Variants in SFRP5 observed in about 807,000 individuals in gnomAD.
The protein encoded by SFRP5 is secreted frizzled-related protein 5.
A neutral mutation model predicts 27.0 loss-of-function variants in SFRP5; 22 were observed. The observed-to-expected ratio is 0.82, with a 90% CI of 0.58 to 1.17. The LOEUF (loss-of-function observed/expected upper bound fraction) is 1.17. SFRP5 is among the 50% of genes most tolerant of loss of function. SFRP5 has a pLI of 0.00. For missense variants in SFRP5, 406 were observed against 436.6 expected, an observed-to-expected ratio of 0.93 and a Z score of 0.63; for synonymous variants, 171 against 195.0, an observed-to-expected ratio of 0.88 and a Z score of 1.03.
rs770602019 is a variant in SFRP5, at chr10:97,769,624, TG to T, written c.607+43del. ...CCCGTGTGCGTCAAGAAAGAGGGGC[TG>T]GGGGTGATGTCGGGGCAGTGGCAGC... is the stretch of plus-strand genomic sequence containing the variant. On this transcript the variant is annotated intron_variant, in intron 2 of 2. Transcript: ENST00000266066. 59 of 1,344,586 alleles carry T rather than the reference TG, an allele frequency of 4.4e-5. No homozygotes were observed. In the Middle Eastern group the frequency reaches 1.1e-3, roughly 26 times the overall value. 83.3% of individuals were successfully genotyped at this position (1,344,586 alleles called of 1,614,324 possible). A position where few individuals can be genotyped will look rare whatever the true frequency, so the allele number is the denominator to read the frequency against.
chr10:97,771,668 TG>T lies in SFRP5; in HGVS notation c.165del (p.Asp55GlufsTer31). On this transcript the variant is annotated frameshift_variant, in exon 1 of 3. Transcript: ENST00000266066. LOFTEE classifies it high-confidence loss of function. The surrounding 1 kb of genome is among the most constrained non-coding windows in gnomAD (Gnocchi z 5.2). Reference protein sequence around the residue: ...RSYSKPPQCLDIPADLPLCHT... With the variant: ...RSYSKPPQCLXIPADLPLCHT... ...TGGCAGAGCGGCAGGTCGGCAGGGA[TG>T]TCAAGGCACTGCGGCGGCTTGGAGT... 1 of 1,602,748 alleles carries T rather than the reference TG, an allele frequency of 6.2e-7. No individual in the cohort carries two copies. The highest frequency in any genetic ancestry group is 1.7e-4 in the Middle Eastern group (1 of 6,044).
In SFRP5 at chr10:97,767,721, A is replaced by G. The variant is rs2136471565; in HGVS notation, c.747T>C (p.Asn249=). The change falls in exon 3 of 3, where the codon AAT becomes AAC. Residue 249 remains asparagine, a synonymous_variant. Transcript: ENST00000266066. ...DTKRLVLHMK[N]GAGCPCPQLD... The stretch of plus-strand genomic sequence containing the variant: ...GCTGTGGGCAGGGGCAGCCCGCGCC[A>G]TTCTTCATGTGCAGCACCAGCCGCT... The G allele has an allele frequency of 6.2e-7, 1 of 1,613,668 alleles. No homozygotes were observed.
Position 97,767,227 on chromosome 10 carries a change from C to T in SFRP5, c.*287G>A, listed in dbSNP as rs1000828569. On this transcript the variant is annotated 3_prime_UTR_variant, in exon 3 of 3. Transcript: ENST00000266066. Reference sequence around the variant, plus strand: ...AACCTCCGCCTCAGGGTGCCCTGAGCCCCTCCACCTTTCCCTTACCCTCTC... The same window carrying T: ...AACCTCCGCCTCAGGGTGCCCTGAGTCCCTCCACCTTTCCCTTACCCTCTC... The T allele has an allele frequency of 6.2e-6, 2 of 321,618 alleles. No individual in the cohort carries two copies. Among genetic ancestry groups the T allele is most frequent in the African/African-American group, 4.3e-5 (2 of 46,932 alleles). The allele number at this position is 321,618 out of a possible 1,614,324, so 19.9% of individuals were successfully genotyped here. A position where few individuals can be genotyped will look rare whatever the true frequency, so the allele number is the denominator to read the frequency against.
In SFRP5 at chr10:97,768,229, C is replaced by T. The variant is rs771436967; in HGVS notation, c.608-369G>A. ...GATAAGGAGTGGATGGGACTGGGGC[C>T]GACTGCTTGGAAGGGGATCCTTGTG... On this transcript the variant is annotated intron_variant, in intron 2 of 2. Transcript: ENST00000266066. Among the ~76,000 whole-genome samples the T allele has an allele frequency of 5.3e-5, 8 of 151,856 alleles. No homozygotes were observed. In the East Asian group the frequency reaches 5.8e-4, roughly 11 times the overall value.
rs1210957330 is a variant in SFRP5 at position 97,771,459 on chromosome 10, G to C, written c.375C>G (p.Arg125=). 9.3e-6 allele frequency: 15 copies of C among 1,612,622 alleles called. No individual in the cohort carries two copies. Among genetic ancestry groups the C allele is most frequent in the Non-Finnish European group, 1.3e-5 (15 of 1,179,232 alleles). Residue 125 remains arginine, a synonymous_variant, in exon 1 of 3, where the codon CGC becomes CGG. Coordinates refer to ENST00000266066, the MANE Select transcript of SFRP5 (RefSeq NM_003015.3). This position sits in a 1 kb window ranked among gnomAD's most constrained non-coding sequence, Gnocchi z 5.2. Reference sequence around the variant, plus strand: ...CGGCGCGCACGGCCTCGCACAGCGAGCGGCACGGGTAGATGGGCCGGTCGA... The same window carrying C: ...CGGCGCGCACGGCCTCGCACAGCGACCGGCACGGGTAGATGGGCCGGTCGA... ...VCLDRPIYPC[R]SLCEAVRAGC...
chr10:97,767,766 G>T lies in SFRP5; in HGVS notation c.702C>A (p.Pro234=). The T allele has an allele frequency of 6.3e-7, 1 of 1,596,330 alleles. No homozygotes were observed. The highest frequency in any genetic ancestry group is 1.1e-5 in the South Asian group (1 of 88,722). The change falls in exon 3 of 3, where the codon CCC becomes CCA. Residue 234 remains proline (P), a synonymous_variant. Coordinates refer to ENST00000266066, the MANE Select transcript of SFRP5 (RefSeq NM_003015.3). ...QKKKKLLKPG[P]LKRKDTKRLV... ...GCCGCTTGGTGTCCTTGCGCTTCAG[G>T]GGGCCCGGCTTGAGCAGCTTCTTCT...
At position 97,767,462 on chromosome 10, in the gene SFRP5, CG is replaced by C. The variant is rs1564848126; in HGVS notation, c.*51del. Reference sequence around the variant, plus strand: ...GGCCGGGTCAGCCTGGAAGTTGGGGCGGGGCCAGAGGGCAAGCAAGGCACAG... The same window carrying C: ...GGCCGGGTCAGCCTGGAAGTTGGGGCGGGCCAGAGGGCAAGCAAGGCACAG... On this transcript the variant is annotated 3_prime_UTR_variant, in exon 3 of 3. Transcript: ENST00000266066. The C allele has an allele frequency of 4.2e-6, 6 of 1,413,698 alleles. No homozygotes were observed. Among genetic ancestry groups the C allele is most frequent in the Non-Finnish European group, 5.8e-6 (6 of 1,034,936 alleles). The allele number at this position is 1,413,698 out of a possible 1,614,324, so 87.6% of individuals were successfully genotyped here. A position where few individuals can be genotyped will look rare whatever the true frequency, so the allele number is the denominator to read the frequency against.
chr10:97,770,285 G>A (rs1168929326), intron 1 of SFRP5, among the ~76,000 whole-genome samples: 1 of 152,198 alleles, frequency 6.6e-6, no homozygotes, highest in Non-Finnish European at 1.5e-5. Flanking sequence ...GGCCAGGCTG[G>A]TCTAGAACTC....
intron 1 of SFRP5, 89 bp from the exon 2 acceptor site, chr10:97,769,834 G>T: frequency 2.4e-6 from 2 of 819,716 alleles, no homozygotes; most frequent in South Asian, 3.0e-5. Context: ...CTTCCTCACT[G>T]ACCAGCCACT....
In SFRP5 at chr10:97,768,845, TGGGGCC is replaced by T. The variant is rs1393361021; in HGVS notation, c.607+817_607+822del. On this transcript the variant is annotated intron_variant, in intron 2 of 2. Transcript: ENST00000266066. ...TCAGGCTTCTGGGCCCCCATCTCTG[TGGGGCC>T]AGGGAGAAGTCAGAGAATAACTGCC... Among the ~76,000 whole-genome samples the T allele has an allele frequency of 2.0e-5, 3 of 152,236 alleles. No homozygotes were observed. In the East Asian group the frequency reaches 5.8e-4, roughly 30 times the overall value.
rs1217848891 is a variant in SFRP5, at chr10:97,771,856, C to T, written c.-23G>A. On this transcript the variant is annotated 5_prime_UTR_variant, in exon 1 of 3. Transcript: ENST00000266066. The surrounding 1 kb of genome is among the most constrained non-coding windows in gnomAD (Gnocchi z 5.2). ...CATGGCTGCGCCCTCTCCAGGTGCGCGCCGCGCAGCCCCCCGACGCTCGGT... is the reference window on the plus strand; with the variant it reads ...CATGGCTGCGCCCTCTCCAGGTGCGTGCCGCGCAGCCCCCCGACGCTCGGT... 39 of 1,046,546 alleles carry T rather than the reference C, an allele frequency of 3.7e-5. No homozygotes were observed. The South Asian group carries it at 3.9e-4, about 11-fold the overall frequency. 64.8% of individuals were successfully genotyped at this position (1,046,546 alleles called of 1,614,324 possible).
rs752003830 is a variant in SFRP5, at chr10:97,769,711, G to C, written c.564C>G (p.His188Gln). 5 of 1,613,702 alleles carry C rather than the reference G, an allele frequency of 3.1e-6. No homozygotes were observed. The South Asian group carries it at 4.4e-5, about 14-fold the overall frequency. ...TKICAQCEME[H>Q]SADGLMEQMC... ...TCTGCTCCATGAGGCCGTCAGCACT[G>C]TGCTCCATCTCACACTGGGCGCAGA... The change falls in exon 2 of 3, where the codon CAC (histidine) becomes CAG (glutamine). Residue 188 changes from histidine to glutamine, a missense_variant. Transcript: ENST00000266066.
chr10:97,771,878 C>T lies in SFRP5; in HGVS notation c.-45G>A, dbSNP rs1271843956. 3 of 1,008,804 alleles carry T rather than the reference C, an allele frequency of 3.0e-6. No individual in the cohort carries two copies. The highest frequency in any genetic ancestry group is 1.0e-4 in the East Asian group (1 of 9,720). 62.5% of individuals were successfully genotyped at this position (1,008,804 alleles called of 1,614,324 possible). ...GCGCGCCGCGCAGCCCCCCGACGCT[C>T]GGTGCCCGGCGGCCCAGGTGTTCCG... is the stretch of plus-strand genomic sequence containing the variant. On this transcript the variant is annotated 5_prime_UTR_variant, in exon 1 of 3. Coordinates refer to ENST00000266066, the MANE Select transcript of SFRP5 (RefSeq NM_003015.3). This position sits in a 1 kb window ranked among gnomAD's most constrained non-coding sequence, Gnocchi z 5.2.
chr10:97,769,321 C>T (rs1395317969), intron 2 of SFRP5, among the ~76,000 whole-genome samples: 1 of 152,202 alleles, frequency 6.6e-6, no homozygotes, highest in African/African-American at 2.4e-5. Context: ...CACCTGGCTC[C>T]ATCCATCTCT....
chr10:97,771,479 G>A lies in SFRP5; in HGVS notation c.355C>T (p.Arg119Trp), dbSNP rs940184823. Residue 119 changes from arginine (R) to tryptophan (W), a missense_variant, in exon 1 of 3, where the codon CGG (arginine) becomes TGG (tryptophan). By Grantham distance (101) the Arg-to-Trp change is moderately radical. Transcript: ENST00000266066. This position sits in a 1 kb window ranked among gnomAD's most constrained non-coding sequence, Gnocchi z 5.2. ...AGCGAGCGGCACGGGTAGATGGGCCGGTCGAGACAGACGGGCGCAAAGAGC... is the reference window on the plus strand; with the variant it reads ...AGCGAGCGGCACGGGTAGATGGGCCAGTCGAGACAGACGGGCGCAAAGAGC... ...CSLFAPVCLD[R>W]PIYPCRSLCE... The A allele has an allele frequency of 2.2e-5, 35 of 1,612,036 alleles. No individual in the cohort carries two copies. The highest frequency in any genetic ancestry group is 2.9e-5 in the Non-Finnish European group (34 of 1,178,718).
At chr10:97,770,098 G>A (rs982912842) in intron 1 of SFRP5, among the ~76,000 whole-genome samples, 4 of 152,112 alleles carry the variant, frequency 2.6e-5, no homozygotes, top group Non-Finnish European at 5.9e-5. Context: ...ATGTAGTCTC[G>A]CTCTGTCACC....
Position 97,767,805 on chromosome 10 carries a change from A to C in SFRP5, c.663T>G (p.Ile221Met), listed in dbSNP as rs1590134693. ...GCAGCTTCTTCTTTTTCTGGGCTCCAATCAGCTTCCGGTCCCCATTCTCTA... is the reference window on the plus strand; with the variant it reads ...GCAGCTTCTTCTTTTTCTGGGCTCCCATCAGCTTCCGGTCCCCATTCTCTA... ...IKIENGDRKL[I>M]GAQKKKKLLK... Residue 221 changes from isoleucine to methionine, a missense_variant, in exon 3 of 3, where the codon ATT (isoleucine) becomes ATG (methionine). Ile to Met is a conservative substitution (Grantham distance 10). Transcript: ENST00000266066. 1 of 1,545,114 alleles carries C rather than the reference A, an allele frequency of 6.5e-7. No individual in the cohort carries two copies. Among genetic ancestry groups the C allele is most frequent in the Non-Finnish European group, 8.7e-7 (1 of 1,150,064 alleles).
rs1238359561 is a variant in SFRP5, at chr10:97,767,306, T to G, written c.*208A>C. The G allele has an allele frequency of 5.8e-6, 3 of 518,464 alleles. No homozygotes were observed. The Admixed American group carries it at 1.1e-4, about 19-fold the overall frequency. 32.1% of individuals were successfully genotyped at this position (518,464 alleles called of 1,614,324 possible). The stretch of plus-strand genomic sequence containing the variant: ...GGTCTTCACCCAGATGAAGAAGCCC[T>G]GCTCCTGAGAGAGGAAGCCCAACAT... On this transcript the variant is annotated 3_prime_UTR_variant, in exon 3 of 3. Transcript: ENST00000266066.
rs1470114199 is a variant in SFRP5 at position 97,766,776 on chromosome 10, A to G, written c.*738T>C. 1.3e-5 allele frequency: 2 copies of G among 152,188 alleles called. No homozygotes were observed. Among genetic ancestry groups the G allele is most frequent in the Non-Finnish European group, 2.9e-5 (2 of 68,032 alleles). 9.4% of individuals were successfully genotyped at this position (152,188 alleles called of 1,614,324 possible). A position where few individuals can be genotyped will look rare whatever the true frequency, so the allele number is the denominator to read the frequency against. On this transcript the variant is annotated 3_prime_UTR_variant, in exon 3 of 3. Coordinates refer to ENST00000266066, the MANE Select transcript of SFRP5 (RefSeq NM_003015.3). Reference sequence around the variant, plus strand: ...TTATTGTTTTCTTTGATTTAATTAAAAAGTTAAAAAAATTAGAAAACCCAA... The same window carrying G: ...TTATTGTTTTCTTTGATTTAATTAAGAAGTTAAAAAAATTAGAAAACCCAA...
Sources: allele counts gnomAD v4.1 joint callset (sites outside exome capture counted in the v4.1 genomes callset), GRCh38; gene constraint gnomAD v4.1.1; non-coding constraint Gnocchi (gnomAD v3.1); transcripts MANE v1.5; gene names NCBI Gene and HGNC (gene_info 2026-07-23, HGNC 2026-07-21).